The following TRPM8 variants were observed in gnomAD, a reference collection of about 807,000 sequenced individuals.
The protein encoded by TRPM8 is transient receptor potential cation channel subfamily M member 8.
Under a neutral mutation model 133.7 loss-of-function variants are expected in TRPM8, and 110 were observed. The observed-to-expected ratio is 0.82, with a 90% confidence interval of 0.70 to 0.96. The LOEUF is 0.96. Ranked by LOEUF, TRPM8 falls within the 40% of genes least tolerant of loss-of-function variation. TRPM8 has a pLI of 0.00. For synonymous variants in TRPM8, 535 were observed against 532.3 expected, an observed-to-expected ratio of 1.01 and a Z score of -0.07; for missense variants, 1,291 against 1,379.5, an observed-to-expected ratio of 0.94 and a Z score of 1.02.
rs200892764 is a variant in TRPM8, at chr2:233,930,702, A to C, written c.152A>C (p.Lys51Thr). 6 of 1,609,728 alleles carry C rather than the reference A, an allele frequency of 3.7e-6. No homozygotes were observed. The highest frequency in any genetic ancestry group is 4.2e-6 in the Non-Finnish European group (5 of 1,176,882). Residue 51 changes from lysine (K) to threonine (T), a missense_variant, in exon 3 of 26, where the codon AAA becomes ACA. Physicochemically the swap from Lys to Thr is moderately conservative, Grantham distance 78. Around this residue, in one of 2 missense-constraint regions of TRPM8, gnomAD observed 963 missense variants for 968.9 expected, o/e 0.99. Coordinates refer to ENST00000324695, the MANE Select transcript of TRPM8 (RefSeq NM_024080.5). ...AATTTTATTCAAGCAAATTTTAAGA[A>C]ACGAGAATGTGTCTTCTTTACCAAA... Reference protein sequence around the residue: ...LVNFIQANFKKRECVFFTKDS... With the variant: ...LVNFIQANFKTRECVFFTKDS...
chr2:233,928,243 A>G (rs956029345), intron 2 of TRPM8, among the ~76,000 whole-genome samples: 2 of 152,030 alleles, frequency 1.3e-5, no homozygotes, highest in African/African-American at 4.8e-5. Context: ...TGCTGGGATC[A>G]CAGGCGTGAC....
chr2:233,942,696 C>T lies in TRPM8; in HGVS notation c.647C>T (p.Ala216Val). 3.1e-6 allele frequency: 5 copies of T among 1,614,146 alleles called. No individual in the cohort carries two copies. Among genetic ancestry groups the T allele is most frequent in the Non-Finnish European group, 4.2e-6 (5 of 1,180,030 alleles). Residue 216 changes from alanine (A) to valine (V), a missense_variant, in exon 6 of 26, where the codon GCT (alanine) becomes GTT (valine). This residue lies in a region of TRPM8 where 963 missense variants were observed against 968.9 expected (regional missense o/e 0.99). Coordinates refer to ENST00000324695, the MANE Select transcript of TRPM8 (RefSeq NM_024080.5). ...EENIVAIGIAAWGMVSNRDTL... is the reference protein window; with the variant it reads ...EENIVAIGIAVWGMVSNRDTL... ...AATATTGTGGCCATTGGCATAGCAG[C>T]TTGGGGCATGGTCTCCAACCGGGAC...
In TRPM8 at chr2:233,969,772, T is replaced by C. The variant is rs1431454679; in HGVS notation, c.2103T>C (p.Ile701=). 1 of 1,613,708 alleles carries C rather than the reference T, an allele frequency of 6.2e-7. No homozygotes were observed. The highest frequency in any genetic ancestry group is 2.2e-5 in the East Asian group (1 of 44,890). ...KNWKIILCLF[I]IPLVGCGFVS... is the part of the protein sequence containing the mutation. ...GGAAGATTATCCTGTGTCTGTTTAT[T>C]ATACCCTTGGTGGGCTGTGGCTTTG... Residue 701 remains isoleucine, a synonymous_variant, in exon 16 of 26, where the codon ATT becomes ATC. Transcript: ENST00000324695.
intron 24 of TRPM8, among the ~76,000 whole-genome samples, chr2:234,009,813 A>G (rs1175921444): frequency 2.6e-5 from 4 of 152,166 alleles, no homozygotes; most frequent in Non-Finnish European, 5.9e-5. Flanking sequence ...TTATTTTTAA[A>G]CAGCTTTATT....
intron 21 of TRPM8, among the ~76,000 whole-genome samples, chr2:233,990,094 T>C (rs566334918): frequency 4.6e-5 from 7 of 152,178 alleles, no homozygotes; most frequent in Non-Finnish European, 1.0e-4. Context: ...GGGAGGTTAT[T>C]GAATTGGGGT....
intron 22 of TRPM8, among the ~76,000 whole-genome samples, chr2:234,001,104 T>C (rs1436033596): frequency 6.6e-6 from 1 of 152,186 alleles, no homozygotes; most frequent in Non-Finnish European, 1.5e-5. Context: ...TGCATTCACA[T>C]TTCTCTCTGC....
chr2:233,984,711 A>C (rs1692100742), intron 20 of TRPM8, among the ~76,000 whole-genome samples: 1 of 152,164 alleles, frequency 6.6e-6, no homozygotes, highest in South Asian at 2.1e-4. Context: ...TGCCAGAGCG[A>C]TTCTTTGGAA....
At chr2:234,014,416 C>A in intron 24 of TRPM8, 146 bp from the exon 25 acceptor site, 1 of 462,832 alleles carries the variant, frequency 2.2e-6, no homozygotes, top group Non-Finnish European at 3.9e-6. Flanking sequence ...TATCACATGC[C>A]ACTCTCATTC....
chr2:233,929,369 G>A (rs1042572744), intron 2 of TRPM8, among the ~76,000 whole-genome samples: 1 of 152,200 alleles, frequency 6.6e-6, no homozygotes, highest in Admixed American at 6.5e-5. Context: ...GACTTGCAGG[G>A]GCAGAAGGTG....
intron 8 of TRPM8, among the ~76,000 whole-genome samples, chr2:233,947,753 C>T (rs543633846): frequency 4.5e-4 from 68 of 152,270 alleles, no homozygotes; most frequent in East Asian, 1.9e-3. Context: ...TTCTGTTTGA[C>T]GTTTTTTTGT....
At chr2:233,972,012 G>C (rs1361043843) in intron 17 of TRPM8, among the ~76,000 whole-genome samples, 2 of 152,144 alleles carry the variant, frequency 1.3e-5, no homozygotes, top group Non-Finnish European at 2.9e-5. Flanking sequence ...GTCCCCACTA[G>C]ATTAACTAGA....
intron 24 of TRPM8, among the ~76,000 whole-genome samples, chr2:234,014,183 C>T (rs571412861): frequency 5.3e-5 from 8 of 152,118 alleles, no homozygotes; most frequent in Non-Finnish European, 1.2e-4. Flanking sequence ...TATACTTTTA[C>T]CAAAGCAAAA....
rs558899413 is a variant in TRPM8 at position 233,929,935 on chromosome 2, A to G, written c.118-733A>G. On this transcript the variant is annotated intron_variant, in intron 2 of 25. Coordinates refer to ENST00000324695, the MANE Select transcript of TRPM8 (RefSeq NM_024080.5). ...TCTGAATGAGGTTGAGCTTCCTTTCATATGTTTATGGGTTATTCTCTTTCA... is the reference window on the plus strand; with the variant it reads ...TCTGAATGAGGTTGAGCTTCCTTTCGTATGTTTATGGGTTATTCTCTTTCA... Among the ~76,000 whole-genome samples, 5 of 152,090 alleles carry G rather than the reference A, an allele frequency of 3.3e-5. No homozygotes were observed. The South Asian group carries it at 1.0e-3, about 32-fold the overall frequency.
At chr2:233,966,788 C>G (rs1261647936) in intron 15 of TRPM8, 33 bp downstream of exon 15, 2 of 1,486,214 alleles carry the variant, frequency 1.3e-6, no homozygotes, top group Non-Finnish European at 1.8e-6. Flanking sequence ...ACCACACGGC[C>G]AGAAATGGGG....
chr2:234,001,137 G>C (rs1692553705), intron 22 of TRPM8, among the ~76,000 whole-genome samples: 1 of 152,250 alleles, frequency 6.6e-6, no homozygotes, highest in East Asian at 1.9e-4. Flanking sequence ...TTGGAGATGA[G>C]GACACTGTTT....
Position 233,970,385 on chromosome 2 carries a change from T to C in TRPM8, c.2314T>C (p.Tyr772His). 1 of 1,614,144 alleles carries C rather than the reference T, an allele frequency of 6.2e-7. No individual in the cohort carries two copies. Among genetic ancestry groups the C allele is most frequent in the Non-Finnish European group, 8.5e-7 (1 of 1,180,030 alleles). ...SVPHPPELVL[Y>H]SLVFVLFCDE... The stretch of plus-strand genomic sequence containing the variant: ...GCCACACCCCCCCGAGCTGGTCCTG[T>C]ACTCGCTGGTCTTTGTCCTCTTCTG... The change falls in exon 17 of 26, where the codon TAC (tyrosine) becomes CAC (histidine). Residue 772 changes from tyrosine (Y) to histidine (H), a missense_variant. Transcript: ENST00000324695.
At chr2:233,959,825 A>G (rs1474918845) in intron 11 of TRPM8, among the ~76,000 whole-genome samples, 1 of 152,000 alleles carries the variant, frequency 6.6e-6, no homozygotes, top group African/African-American at 2.4e-5. Flanking sequence ...TCTGTCACCC[A>G]GGCTGGAGTG....
In TRPM8 at chr2:233,945,840, T is replaced by C. The variant is rs1559523661; in HGVS notation, c.700-16T>C. ...GATAATACAATCTCAAAGACAAGTT[T>C]CCCTGTACTTTTCAGGGCTATTTTT... On this transcript the variant is annotated splice_polypyrimidine_tract_variant and intron_variant, in intron 6 of 25. Coordinates refer to ENST00000324695, the MANE Select transcript of TRPM8 (RefSeq NM_024080.5). 2 of 1,603,068 alleles carry C rather than the reference T, an allele frequency of 1.2e-6. No individual in the cohort carries two copies. Among genetic ancestry groups the C allele is most frequent in the South Asian group, 2.2e-5 (2 of 90,472 alleles).
At chr2:234,011,718 A>T (rs1056431893) in intron 24 of TRPM8, among the ~76,000 whole-genome samples, 5 of 152,014 alleles carry the variant, frequency 3.3e-5, no homozygotes, top group African/African-American at 1.2e-4. Flanking sequence ...GGAGATCGAG[A>T]CCATCCTGGC....
Sources: allele counts gnomAD v4.1 joint callset (sites outside exome capture counted in the v4.1 genomes callset), GRCh38; gene constraint gnomAD v4.1.1; regional missense constraint gnomAD v4.1.1; transcripts MANE v1.5; gene names NCBI Gene and HGNC (gene_info 2026-07-23, HGNC 2026-07-21).